Variants in EPN1 observed in about 807,000 individuals in gnomAD.
EPN1 encodes the protein epsin-1.
In EPN1, 25 loss-of-function variants were observed where a neutral mutation model predicts 56.9. That is an observed-to-expected ratio of 0.44 (90% CI 0.32 to 0.61). EPN1 has a LOEUF of 0.61. EPN1 is among the 20% of genes least tolerant of loss of function. EPN1 has a pLI of 0.05. For missense variants in EPN1, 785 were observed against 823.7 expected (o/e 0.95, Z 0.58); for synonymous variants, 411 against 361.8 (o/e 1.14, Z -1.54).
rs1320204500 is a variant in EPN1 at position 55,694,318 on chromosome 19, G to A, written c.1265-408G>A. 5.4e-6 allele frequency: 1 copy of A among 186,504 alleles called. No homozygotes were observed. Among genetic ancestry groups the A allele is most frequent in the Non-Finnish European group, 1.1e-5 (1 of 91,630 alleles). The allele number at this position is 186,504 out of a possible 1,614,324, so 11.6% of individuals were successfully genotyped here. A position where few individuals can be genotyped will look rare whatever the true frequency, so the allele number is the denominator to read the frequency against. On this transcript the variant is annotated intron_variant, in intron 9 of 10. Coordinates refer to ENST00000270460, the MANE Select transcript of EPN1 (RefSeq NM_001130072.2). The surrounding 1 kb of genome is among the most constrained non-coding windows in gnomAD (Gnocchi z 4.2). The stretch of plus-strand genomic sequence containing the variant: ...ACGTGTCTGTGCTGTCTGTCCACTT[G>A]GAAGCTCCCTCTGGGGCTGTGTACT...
rs570650964 is a variant in EPN1 at position 55,689,716 on chromosome 19, C to G, written c.679-151C>G. 5.2e-6 allele frequency: 4 copies of G among 763,654 alleles called. No individual in the cohort carries two copies. The highest frequency in any genetic ancestry group is 8.9e-6 in the Non-Finnish European group (4 of 450,642). 47.3% of individuals were successfully genotyped at this position (763,654 alleles called of 1,614,324 possible). A position where few individuals can be genotyped will look rare whatever the true frequency, so the allele number is the denominator to read the frequency against. ...CCGCCTGACCTTTGACCCAGGTGCC[C>G]CATCCCCATTTCATACATTGTCCGC... On this transcript the variant is annotated intron_variant, in intron 5 of 10. Coordinates refer to ENST00000270460, the MANE Select transcript of EPN1 (RefSeq NM_001130072.2). The surrounding 1 kb of genome is among the most constrained non-coding windows in gnomAD (Gnocchi z 5.7).
At chr19:55,677,585 A>T (rs531746730) in intron 1 of EPN1, 1 of 1,548,690 alleles carries the variant, frequency 6.5e-7, no homozygotes, top group African/African-American at 1.4e-5. Flanking sequence ...GAAAAAGGTA[A>T]TGTCCCTCTT....
intron 1 of EPN1, chr19:55,677,460 A>C: frequency 1.3e-6 from 1 of 746,882 alleles, no homozygotes; most frequent in Non-Finnish European, 2.2e-6. Context: ...TTAATTTAAA[A>C]GTATGAGTTT....
In EPN1 at chr19:55,688,860, C is replaced by G. The variant is rs541968592; in HGVS notation, c.479-10C>G. On this transcript the variant is annotated splice_polypyrimidine_tract_variant and intron_variant, in intron 3 of 10. Transcript: ENST00000270460. ...GTCTGGGTCTCACGCGTTTCTCACC[C>G]GCCCTCCAGCCTCATCAGCAGCTGT... 1.9e-6 allele frequency: 3 copies of G among 1,573,188 alleles called. No homozygotes were observed. The highest frequency in any genetic ancestry group is 2.6e-6 in the Non-Finnish European group (3 of 1,159,666).
At position 55,697,718 on chromosome 19, in the gene EPN1, C is replaced by G. The variant is rs954038162; in HGVS notation, c.*2362C>G. 6.6e-6 allele frequency: 1 copy of G among 152,124 alleles called. No homozygotes were observed. The highest frequency in any genetic ancestry group is 1.5e-5 in the Non-Finnish European group (1 of 68,026). The allele number at this position is 152,124 out of a possible 1,614,324, so 9.4% of individuals were successfully genotyped here. A position where few individuals can be genotyped will look rare whatever the true frequency, so the allele number is the denominator to read the frequency against. On this transcript the variant is annotated 3_prime_UTR_variant, in exon 11 of 11. Transcript: ENST00000270460. ...TATTCCTCTTTCTAGAATATTCCAG[C>G]CACCAAAGTGCTCAGCAGGAGCTGC... is the stretch of plus-strand genomic sequence containing the variant.
intron 9 of EPN1, chr19:55,693,263 C>A: frequency 1.9e-6 from 1 of 538,872 alleles, no homozygotes. Flanking sequence ...GAGAATTGTT[C>A]TCAAGGTTTC....
intron 1 of EPN1, chr19:55,677,330 C>T: frequency 4.0e-6 from 3 of 748,474 alleles, no homozygotes; most frequent in Non-Finnish European, 7.2e-6. Context: ...ACATGTAAAG[C>T]ACTTAAAACA....
intron 2 of EPN1, among the ~76,000 whole-genome samples, chr19:55,681,140 A>G (rs181080456): frequency 1.3e-5 from 2 of 152,108 alleles, no homozygotes; most frequent in Admixed American, 1.3e-4. Context: ...GTGGAGAAGG[A>G]GGGTGAGCTG....
rs1313866615 is a variant in EPN1 at position 55,692,781 on chromosome 19, A to G, written c.1162A>G (p.Thr388Ala). Reference protein sequence around the residue: ...PWGGSPAKPSTNGTTAAGGFD... With the variant: ...PWGGSPAKPSANGTTAAGGFD... ...GGGAGGGTCACCTGCCAAGCCCAGC[A>G]CCAATGGCACAACAGGTACTGGAAT... Residue 388 changes from threonine (T) to alanine (A), a missense_variant, in exon 8 of 11, where the codon ACC becomes GCC. By Grantham distance (58) the Thr-to-Ala change is moderately conservative (BLOSUM62 0). This residue lies in a region of EPN1 where 650 missense variants were observed against 605.0 expected (regional missense o/e 1.07). Transcript: ENST00000270460. The G allele has an allele frequency of 6.3e-7, 1 of 1,596,784 alleles. No individual in the cohort carries two copies. Among genetic ancestry groups the G allele is most frequent in the African/African-American group, 1.3e-5 (1 of 74,650 alleles).
At position 55,675,330 on chromosome 19, in the gene EPN1, T is replaced by C. The variant is rs1985317340; in HGVS notation, c.-207T>C. The stretch of plus-strand genomic sequence containing the variant: ...CCGTCGGCGTGCGGCCCTCCTTGCG[T>C]TCGTGCGTGCGCCCGTGGCCCGGCG... On this transcript the variant is annotated 5_prime_UTR_variant, in exon 1 of 11. Transcript: ENST00000270460. The C allele has an allele frequency of 6.6e-6, 1 of 151,566 alleles. No individual in the cohort carries two copies. The highest frequency in any genetic ancestry group is 1.5e-5 in the Non-Finnish European group (1 of 67,838). The allele number at this position is 151,566 out of a possible 1,614,324, so 9.4% of individuals were successfully genotyped here.
rs112928863 is a variant in EPN1 at position 55,689,770 on chromosome 19, T to C, written c.679-97T>C. 0.026 allele frequency: 28,407 copies of C among 1,096,766 alleles called. 431 individuals are homozygous for C. Among genetic ancestry groups the C allele is most frequent in the African/African-American group, 0.05 (3,201 of 64,388 alleles). The allele number at this position is 1,096,766 out of a possible 1,614,324, so 67.9% of individuals were successfully genotyped here. On this transcript the variant is annotated intron_variant, in intron 5 of 10. Transcript: ENST00000270460. This position sits in a 1 kb window ranked among gnomAD's most constrained non-coding sequence, Gnocchi z 5.7. ...CCATCGAATCCTTCAGCCGCTTTCG[T>C]TGGGGTGGGAGGGGTTGCTGGGGCT...
chr19:55,695,603 G>T lies in EPN1; in HGVS notation c.*247G>T, dbSNP rs1469103237. Reference sequence around the variant, plus strand: ...TCCCGTGGCATTAGAAGGGGGAGGGGTGGCTGGGGCCCCCACCCATTCCCC... The same window carrying T: ...TCCCGTGGCATTAGAAGGGGGAGGGTTGGCTGGGGCCCCCACCCATTCCCC... On this transcript the variant is annotated 3_prime_UTR_variant, in exon 11 of 11. Coordinates refer to ENST00000270460, the MANE Select transcript of EPN1 (RefSeq NM_001130072.2). The surrounding 1 kb of genome is among the most constrained non-coding windows in gnomAD (Gnocchi z 4.4). 2.0e-6 allele frequency: 1 copy of T among 502,732 alleles called. No homozygotes were observed. Among genetic ancestry groups the T allele is most frequent in the Non-Finnish European group, 3.5e-6 (1 of 284,180 alleles). 31.1% of individuals were successfully genotyped at this position (502,732 alleles called of 1,614,324 possible). A position where few individuals can be genotyped will look rare whatever the true frequency, so the allele number is the denominator to read the frequency against.
Position 55,703,242 on chromosome 19 carries a change from C to T in EPN1, c.*7886C>T, listed in dbSNP as rs910350414. 5 of 152,282 alleles carry T rather than the reference C, an allele frequency of 3.3e-5. No homozygotes were observed. Among genetic ancestry groups the T allele is most frequent in the African/African-American group, 9.7e-5 (4 of 41,424 alleles). The allele number at this position is 152,282 out of a possible 1,614,324, so 9.4% of individuals were successfully genotyped here. On this transcript the variant is annotated 3_prime_UTR_variant, in exon 11 of 11. Transcript: ENST00000270460. ...CCTGGACAACACTGTCCGGAGGGGCCTAAGTGGGAAGTGCCCTCAACCAAG... is the reference window on the plus strand; with the variant it reads ...CCTGGACAACACTGTCCGGAGGGGCTTAAGTGGGAAGTGCCCTCAACCAAG...
In EPN1 at chr19:55,677,753, C is replaced by T. The variant is rs997741902; in HGVS notation, c.-101-774C>T. The T allele has an allele frequency of 1.4e-5, 21 of 1,522,936 alleles. No individual in the cohort carries two copies. In the African/African-American group the frequency reaches 2.0e-4, roughly 14 times the overall value. The allele number at this position is 1,522,936 out of a possible 1,614,324, so 94.3% of individuals were successfully genotyped here. On this transcript the variant is annotated intron_variant, in intron 1 of 10. Coordinates refer to ENST00000270460, the MANE Select transcript of EPN1 (RefSeq NM_001130072.2). Reference sequence around the variant, plus strand: ...GCCCTGGGTTGGTTCCCTGCTCCTGCCTCTGTCTTTAATCCCTTCATCAGC... The same window carrying T: ...GCCCTGGGTTGGTTCCCTGCTCCTGTCTCTGTCTTTAATCCCTTCATCAGC...
intron 8 of EPN1, 35 bp downstream of exon 8, chr19:55,692,831 G>A (rs752618459): frequency 2.5e-6 from 4 of 1,577,136 alleles, no homozygotes; most frequent in Admixed American, 3.4e-5. Flanking sequence ...AGCCCCGGGT[G>A]GGAGTGAGTG....
At position 55,691,886 on chromosome 19, in the gene EPN1, C is replaced by A; in HGVS notation, c.895C>A (p.Pro299Thr). 6.2e-7 allele frequency: 1 copy of A among 1,600,474 alleles called. No individual in the cohort carries two copies. Among genetic ancestry groups the A allele is most frequent in the Non-Finnish European group, 8.5e-7 (1 of 1,173,420 alleles). ...AAPTSDPWGG[P>T]PVPPAADPWG... Reference sequence around the variant, plus strand: ...CCCCACCTCGGACCCCTGGGGCGGCCCCCCTGTCCCTCCAGCTGCTGATCC... The same window carrying A: ...CCCCACCTCGGACCCCTGGGGCGGCACCCCTGTCCCTCCAGCTGCTGATCC... Residue 299 changes from proline (P) to threonine (T), a missense_variant, in exon 7 of 11, where the codon CCC (proline) becomes ACC (threonine). Physicochemically the swap from Pro to Thr is conservative, Grantham distance 38. This residue lies in a region of EPN1 where 650 missense variants were observed against 605.0 expected (regional missense o/e 1.07). Coordinates refer to ENST00000270460, the MANE Select transcript of EPN1 (RefSeq NM_001130072.2). This position sits in a 1 kb window ranked among gnomAD's most constrained non-coding sequence, Gnocchi z 5.6.
rs903600024 is a variant in EPN1 at position 55,695,350 on chromosome 19, C to T, written c.1725C>T (p.Leu575=). 2.0e-6 allele frequency: 3 copies of T among 1,486,750 alleles called. No individual in the cohort carries two copies. The highest frequency in any genetic ancestry group is 2.0e-5 in the Admixed American group (1 of 50,464). The allele number at this position is 1,486,750 out of a possible 1,614,324, so 92.1% of individuals were successfully genotyped here. Reference sequence around the variant, plus strand: ...CGGCCCCCAACACTAATCCCTTCCTCCTATAATCCAGGGCGGAAGGGGGCC... The same window carrying T: ...CGGCCCCCAACACTAATCCCTTCCTTCTATAATCCAGGGCGGAAGGGGGCC... ...GPPAPNTNPF[L]L The change falls in exon 11 of 11, where the codon CTC becomes CTT. Residue 575 remains leucine (L), a synonymous_variant. Transcript: ENST00000270460. This position sits in a 1 kb window ranked among gnomAD's most constrained non-coding sequence, Gnocchi z 4.4.
intron 2 of EPN1, among the ~76,000 whole-genome samples, chr19:55,679,079 C>A (rs762641943): frequency 1.3e-5 from 2 of 152,270 alleles, no homozygotes; most frequent in Non-Finnish European, 1.5e-5. Context: ...ACGTAAGATT[C>A]ATGTGCTGAG....
In EPN1 at chr19:55,691,162, G is replaced by T. The variant is rs1363148668; in HGVS notation, c.763-592G>T. Among the ~76,000 whole-genome samples the T allele has an allele frequency of 6.6e-6, 1 of 152,166 alleles. No homozygotes were observed. Among genetic ancestry groups the T allele is most frequent in the Non-Finnish European group, 1.5e-5 (1 of 68,032 alleles). ...GTGTGCGTGCGGCATGGGAAGACCTGCAGTGCGATGACTGCGGGGTGACAG... is the reference window on the plus strand; with the variant it reads ...GTGTGCGTGCGGCATGGGAAGACCTTCAGTGCGATGACTGCGGGGTGACAG... On this transcript the variant is annotated intron_variant, in intron 6 of 10. Transcript: ENST00000270460. This position sits in a 1 kb window ranked among gnomAD's most constrained non-coding sequence, Gnocchi z 5.6.
Sources: allele counts gnomAD v4.1 joint callset (sites outside exome capture counted in the v4.1 genomes callset), GRCh38; gene constraint gnomAD v4.1.1; regional missense constraint gnomAD v4.1.1; non-coding constraint Gnocchi (gnomAD v3.1); transcripts MANE v1.5; gene names NCBI Gene and HGNC (gene_info 2026-07-23, HGNC 2026-07-21).